DIP2C: variants seen among roughly 807,000 people sequenced by gnomAD.
DIP2C encodes DIP2 acetate--CoA ligase C (putative).
In DIP2C, 33 loss-of-function variants were observed where a neutral mutation model predicts 192.4. The observed-to-expected ratio is 0.17, with a 90% CI of 0.13 to 0.23. The LOEUF is 0.23. DIP2C is among the 10% of genes least tolerant of loss of function. The pLI, the probability that DIP2C is intolerant of heterozygous loss-of-function variation, is 1.00. For synonymous variants in DIP2C, 979 were observed against 864.1 expected (o/e 1.13, Z -2.33); for missense variants, 1,537 against 2,110.1 (o/e 0.73, Z 5.32).
In DIP2C at chr10:409,137, A is replaced by C. The variant is rs1270685166; in HGVS notation, c.1058-120T>G. ...TCCTGCGTATCATGGTCTGCAAGCG[A>C]CTTGAAGTGGGGGCAGCTGAGCAAA... On this transcript the variant is annotated intron_variant, in intron 8 of 36. Coordinates refer to ENST00000280886, the MANE Select transcript of DIP2C (RefSeq NM_014974.3). 7 of 920,986 alleles carry C rather than the reference A, an allele frequency of 7.6e-6. No individual in the cohort carries two copies. In the Admixed American group the frequency reaches 1.1e-4, roughly 15 times the overall value. The allele number at this position is 920,986 out of a possible 1,614,324, so 57.1% of individuals were successfully genotyped here. A position where few individuals can be genotyped will look rare whatever the true frequency, so the allele number is the denominator to read the frequency against.
At chr10:447,692 C>A (rs1374609589) in intron 3 of DIP2C, among the ~76,000 whole-genome samples, 1 of 126,254 alleles carries the variant, frequency 7.9e-6, no homozygotes, top group African/African-American at 4.4e-5. Context: ...GGATCACACA[C>A]AGTGGGGCAG....
chr10:422,472 C>T lies in DIP2C; in HGVS notation c.604+352G>A, dbSNP rs146198640. 3.8e-3 allele frequency among the ~76,000 whole-genome samples: 575 copies of T among 152,280 alleles called. 11 individuals are homozygous for T. Among genetic ancestry groups the T allele is most frequent in the Admixed American group, 0.03 (466 of 15,294 alleles). On this transcript the variant is annotated intron_variant, in intron 5 of 36. Coordinates refer to ENST00000280886, the MANE Select transcript of DIP2C (RefSeq NM_014974.3). ...GTCAAGCAGCTGTGGTTAAAGCCCT[C>T]GTTTCCTTAAATGACTCCCACGGTC...
In DIP2C at chr10:311,184, C is replaced by T. The variant is rs933246700; in HGVS notation, c.3925-1092G>A. Among the ~76,000 whole-genome samples the T allele has an allele frequency of 5.9e-4, 89 of 152,122 alleles. 1 individual carries two copies. Among genetic ancestry groups the T allele is most frequent in the Admixed American group, 7.2e-4 (11 of 15,278 alleles). ...TCTACCCCCGGCTGCTCAGCAAAGC[C>T]GCCCCACAGACCAGCGCTGAGCAGA... is the stretch of plus-strand genomic sequence containing the variant. On this transcript the variant is annotated intron_variant, in intron 31 of 36. Transcript: ENST00000280886.
rs1316527027 is a variant in DIP2C at position 636,623 on chromosome 10, C to T, written c.85+52871G>A. Among the ~76,000 whole-genome samples the T allele has an allele frequency of 1.3e-5, 2 of 152,202 alleles. No homozygotes were observed. Among genetic ancestry groups the T allele is most frequent in the African/African-American group, 4.8e-5 (2 of 41,448 alleles). ...TTATATTCAATAAGCACAATTCTCC[C>T]GAAAACGTCTTTTCTATCTGGGCCA... On this transcript the variant is annotated intron_variant, in intron 1 of 36. Transcript: ENST00000280886. The surrounding 1 kb of genome is among the most constrained non-coding windows in gnomAD (Gnocchi z 4.6).
At chr10:453,132 A>G (rs1968989627) in intron 3 of DIP2C, among the ~76,000 whole-genome samples, 1 of 152,238 alleles carries the variant, frequency 6.6e-6, no homozygotes, top group Non-Finnish European at 1.5e-5. Flanking sequence ...TGAAAACACA[A>G]TATCCTTTTC....
chr10:313,939 A>C (rs1956666225), intron 31 of DIP2C, among the ~76,000 whole-genome samples: 1 of 152,248 alleles, frequency 6.6e-6, no homozygotes, highest in Non-Finnish European at 1.5e-5. Context: ...ATATTAGCAC[A>C]ACCTGGTACT....
intron 26 of DIP2C, among the ~76,000 whole-genome samples, chr10:346,734 C>CACCCA (rs1589558005): frequency 7.1e-6 from 1 of 140,424 alleles, no homozygotes; most frequent in Non-Finnish European, 1.5e-5. Context: ...ACGTCACACA[C>CACCCA]ACCCAGACAC....
At chr10:658,789 A>T (rs1178079724) in intron 1 of DIP2C, among the ~76,000 whole-genome samples, 1 of 152,220 alleles carries the variant, frequency 6.6e-6, no homozygotes, top group African/African-American at 2.4e-5. Context: ...GGTATATGTA[A>T]ATATATATTT....
In DIP2C at chr10:377,856, T is replaced by C. The variant is rs796615217; in HGVS notation, c.1991+4791A>G. 2.2e-4 allele frequency among the ~76,000 whole-genome samples: 33 copies of C among 152,372 alleles called. 1 individual carries two copies. The highest frequency in any genetic ancestry group is 7.7e-4 in the African/African-American group (32 of 41,592). ...ATCTTTTCTGGAATTATTGTTTCAT[T>C]GTTTTATATGATTTTTGCATTTTCA... On this transcript the variant is annotated intron_variant, in intron 17 of 36. Transcript: ENST00000280886.
chr10:579,437 A>G (rs1283480814), intron 1 of DIP2C, among the ~76,000 whole-genome samples: 1 of 151,922 alleles, frequency 6.6e-6, no homozygotes, highest in Non-Finnish European at 1.5e-5. Context: ...GGTACACTAT[A>G]ACACATGTGT....
chr10:600,984 G>A (rs907794250), intron 1 of DIP2C, among the ~76,000 whole-genome samples: 4 of 152,182 alleles, frequency 2.6e-5, no homozygotes, highest in Non-Finnish European at 5.9e-5. Flanking sequence ...TGGGTAGCCA[G>A]CCTTGCCAAG....
At chr10:349,078 TAACAC>T (rs1264165937) in intron 25 of DIP2C, among the ~76,000 whole-genome samples, 1 of 152,258 alleles carries the variant, frequency 6.6e-6, no homozygotes, top group Non-Finnish European at 1.5e-5. Flanking sequence ...AGGTATCTAA[TAACAC>T]AAATTTGGAT....
At chr10:662,716 T>C in intron 1 of DIP2C, 1 of 588,244 alleles carries the variant, frequency 1.7e-6, no homozygotes, top group East Asian at 2.8e-5. Flanking sequence ...ATATATACAA[T>C]GTTTGAGGAA....
At position 518,190 on chromosome 10, in the gene DIP2C, G is replaced by A. The variant is rs371046806; in HGVS notation, c.86-31660C>T. On this transcript the variant is annotated intron_variant, in intron 1 of 36. Transcript: ENST00000280886. ...TGCTGCTGACCACCCCAAGGTCATG[G>A]CCTCTGCCTCTTCTCTGCTGACCCG... Among the ~76,000 whole-genome samples the A allele has an allele frequency of 2.6e-5, 4 of 152,256 alleles. No individual in the cohort carries two copies. The South Asian group carries it at 6.2e-4, about 24-fold the overall frequency.
At chr10:551,255 C>T (rs1007512046) in intron 1 of DIP2C, among the ~76,000 whole-genome samples, 43 of 152,348 alleles carry the variant, frequency 2.8e-4, no homozygotes, top group African/African-American at 9.4e-4. Context: ...TACCATGCCC[C>T]CTCCTCCCCA....
intron 1 of DIP2C, among the ~76,000 whole-genome samples, chr10:677,051 T>C (rs963733923): frequency 2.6e-5 from 4 of 152,218 alleles, no homozygotes; most frequent in Non-Finnish European, 4.4e-5. Flanking sequence ...CTGTATCCCA[T>C]AGATATGTAC....
At chr10:376,510 G>T (rs75430022) in intron 17 of DIP2C, among the ~76,000 whole-genome samples, 1 of 151,336 alleles carries the variant, frequency 6.6e-6, no homozygotes, top group Non-Finnish European at 1.5e-5. Flanking sequence ...GGGTTGGGAG[G>T]GGGGGTCTTC....
At position 622,205 on chromosome 10, in the gene DIP2C, C is replaced by T. The variant is rs557819382; in HGVS notation, c.85+67289G>A. ...CTGCCCCCAAGCTGCTTGGATGAAG[C>T]GGAAGATTCCAGAAGTCTCTTCTCC... On this transcript the variant is annotated intron_variant, in intron 1 of 36. Transcript: ENST00000280886. Among the ~76,000 whole-genome samples the T allele has an allele frequency of 3.3e-3, 487 of 146,738 alleles. 4 individuals carry two copies. The highest frequency in any genetic ancestry group is 0.012 in the African/African-American group (463 of 39,478).
chr10:335,426 C>T (rs971511182), intron 29 of DIP2C, among the ~76,000 whole-genome samples: 2 of 152,360 alleles, frequency 1.3e-5, no homozygotes, highest in East Asian at 3.9e-4. Context: ...TGTCCCAGCT[C>T]AGACCCTGTT....
Sources: allele counts gnomAD v4.1 joint callset (sites outside exome capture counted in the v4.1 genomes callset), GRCh38; gene constraint gnomAD v4.1.1; non-coding constraint Gnocchi (gnomAD v3.1); transcripts MANE v1.5; gene names NCBI Gene and HGNC (gene_info 2026-07-23, HGNC 2026-07-21).